Variants in PPIP5K2 observed in about 807,000 individuals in gnomAD.
PPIP5K2 encodes the protein inositol hexakisphosphate and diphosphoinositol-pentakisphosphate kinase 2.
In PPIP5K2, 105 loss-of-function variants were observed where a neutral mutation model predicts 154.6. The ratio of observed to expected loss-of-function variants is 0.68; its 90% CI spans 0.58 to 0.80. The LOEUF (loss-of-function observed/expected upper bound fraction) is 0.80. PPIP5K2 is among the 30% of genes least tolerant of loss of function. The pLI, the probability that PPIP5K2 is intolerant of heterozygous loss-of-function variation, is 0.00. For synonymous variants in PPIP5K2, 480 were observed against 490.3 expected (o/e 0.98, Z 0.28); for missense variants, 992 against 1,504.6 (o/e 0.66, Z 5.64).
intron 19 of PPIP5K2, among the ~76,000 whole-genome samples, chr5:103,169,246 C>G (rs1554218882): frequency 6.6e-6 from 1 of 151,426 alleles, no homozygotes; most frequent in Non-Finnish European, 1.5e-5. Flanking sequence ...ACTTTTGGAC[C>G]TTTTTTCAAC....
chr5:103,149,059 A>G (rs1441829127), intron 7 of PPIP5K2, 93 bp from the exon 8 acceptor site: 2 of 1,008,744 alleles, frequency 2.0e-6, no homozygotes, highest in African/African-American at 1.7e-5. Context: ...ACTATTTTTT[A>G]GTAATTTTTT....
intron 1 of PPIP5K2, among the ~76,000 whole-genome samples, chr5:103,122,801 G>C (rs1232792035): frequency 2.0e-5 from 3 of 152,194 alleles, no homozygotes; most frequent in Non-Finnish European, 4.4e-5. Flanking sequence ...CCCATGAAAA[G>C]GGCTACAGTG....
chr5:103,155,948 G>A lies in PPIP5K2; in HGVS notation c.1443G>A (p.Leu481=). The A allele has an allele frequency of 6.2e-7, 1 of 1,604,722 alleles. No homozygotes were observed. The change falls in exon 14 of 31, where the codon TTG becomes TTA. Residue 481 remains leucine, a synonymous_variant. Transcript: ENST00000358359. ...CTGGAATAAATCGTAAGGTTCAGTT[G>A]ACCTATCTCCCTCATGGTTGTCCTA... The part of the protein sequence containing the change: ...HFSGINRKVQ[L]TYLPHGCPKT...
intron 1 of PPIP5K2, among the ~76,000 whole-genome samples, chr5:103,123,206 C>G (rs1583166488): frequency 6.6e-6 from 1 of 152,334 alleles, no homozygotes; most frequent in South Asian, 2.1e-4. Flanking sequence ...GCTGTGGCAT[C>G]TGTATTGCAA....
intron 8 of PPIP5K2, among the ~76,000 whole-genome samples, 172 bp downstream of exon 8, chr5:103,149,485 T>G (rs186542534): frequency 4.6e-5 from 7 of 152,310 alleles, no homozygotes; most frequent in Non-Finnish European, 2.9e-5. Flanking sequence ...TATATTCTTT[T>G]GTATTATATA....
At chr5:103,135,841 CT>C (rs1791396616) in intron 3 of PPIP5K2, among the ~76,000 whole-genome samples, 1 of 151,908 alleles carries the variant, frequency 6.6e-6, no homozygotes, top group Non-Finnish European at 1.5e-5. Flanking sequence ...GTAATTAGTA[CT>C]TTTACCAGTC....
At chr5:103,158,595 A>G (rs1422446290) in intron 16 of PPIP5K2, 22 bp downstream of exon 16, 1 of 1,543,910 alleles carries the variant, frequency 6.5e-7, no homozygotes, top group African/African-American at 1.4e-5. Context: ...TTTTTTTTAG[A>G]ATTATTAGAG....
At chr5:103,195,865 G>A (rs1562512332) in intron 30 of PPIP5K2, among the ~76,000 whole-genome samples, 1 of 152,082 alleles carries the variant, frequency 6.6e-6, no homozygotes, top group Non-Finnish European at 1.5e-5. Context: ...TTGGTTAAGA[G>A]TTTGTGCTTA....
chr5:103,161,948 T>C (rs1311248649), intron 17 of PPIP5K2, among the ~76,000 whole-genome samples: 3 of 152,222 alleles, frequency 2.0e-5, no homozygotes, highest in African/African-American at 7.2e-5. Context: ...GCAGAAGCTC[T>C]TGAGTTTAAT....
At chr5:103,138,578 T>C (rs2149492648) in intron 5 of PPIP5K2, 109 bp downstream of exon 5, 1 of 592,184 alleles carries the variant, frequency 1.7e-6, no homozygotes, top group South Asian at 3.0e-5. Flanking sequence ...TAGTATTCTA[T>C]TCCATTTTAA....
intron 1 of PPIP5K2, among the ~76,000 whole-genome samples, chr5:103,128,689 A>G (rs1790123697): frequency 6.6e-6 from 1 of 151,936 alleles, no homozygotes; most frequent in African/African-American, 2.4e-5. Flanking sequence ...TTTTCTGGGG[A>G]GGAGATCCAT....
chr5:103,184,777 CCTT>C (rs781820085), intron 26 of PPIP5K2, 33 bp downstream of exon 26: 2 of 1,519,244 alleles, frequency 1.3e-6, no homozygotes, highest in African/African-American at 2.8e-5. Flanking sequence ...TGTTCCATAC[CCTT>C]CTTAAACTCA....
intron 5 of PPIP5K2, among the ~76,000 whole-genome samples, chr5:103,144,641 G>A (rs1017989353): frequency 4.6e-5 from 7 of 152,086 alleles, no homozygotes; most frequent in Admixed American, 6.5e-5. Flanking sequence ...ACTCATTTTC[G>A]ACAAAGTTGA....
At chr5:103,192,164 A>T (rs1801344437) in intron 29 of PPIP5K2, among the ~76,000 whole-genome samples, 1 of 151,992 alleles carries the variant, frequency 6.6e-6, no homozygotes, top group Admixed American at 6.6e-5. Flanking sequence ...AGTAATAGAG[A>T]TGTATACTGG....
At chr5:103,200,614 TTTTATTTATTTATTTA>T (rs146954556) in intron 30 of PPIP5K2, among the ~76,000 whole-genome samples, 2 of 149,166 alleles carry the variant, frequency 1.3e-5, no homozygotes, top group African/African-American at 2.5e-5. Flanking sequence ...TGGTTTTTTA[TTTTATTTATTTATTTA>T]TTTATTTATT....
intron 17 of PPIP5K2, among the ~76,000 whole-genome samples, chr5:103,160,443 T>C (rs2149620118): frequency 6.6e-6 from 1 of 152,302 alleles, no homozygotes; most frequent in East Asian, 1.9e-4. Flanking sequence ...TTATTTAATA[T>C]TTTATTTGTG....
intron 7 of PPIP5K2, 98 bp from the exon 8 acceptor site, chr5:103,149,054 T>G (rs1178021393): frequency 2.0e-6 from 2 of 991,740 alleles, no homozygotes; most frequent in Admixed American, 7.1e-5. Flanking sequence ...TCTGAACTAT[T>G]TTTTAGTAAT....
At chr5:103,168,576 T>C (rs908335900) in intron 19 of PPIP5K2, among the ~76,000 whole-genome samples, 4 of 151,770 alleles carry the variant, frequency 2.6e-5, no homozygotes, top group Non-Finnish European at 5.9e-5. Flanking sequence ...GTACAAAGAT[T>C]TCCCATATGC....
chr5:103,188,167 A>G (rs1554225758), intron 28 of PPIP5K2, among the ~76,000 whole-genome samples: 1 of 152,178 alleles, frequency 6.6e-6, no homozygotes, highest in Non-Finnish European at 1.5e-5. Flanking sequence ...ACAACTTCTA[A>G]CATAGAGCTT....
Sources: gnomAD v4.1 joint callset for allele counts (sites outside exome capture counted in the v4.1 genomes callset) on GRCh38, gnomAD v4.1.1 for gene constraint, MANE v1.5 for transcripts, NCBI Gene and HGNC (gene_info 2026-07-23, HGNC 2026-07-21) for gene names.